Variants in EFCAB3 observed in about 807,000 individuals in gnomAD.
EFCAB3 encodes EF-hand calcium binding domain 3, also known as EF-hand calcium-binding domain-containing protein 3.
A neutral mutation model predicts 42.2 loss-of-function variants in EFCAB3; 36 were observed. The observed-to-expected ratio is 0.85, with a 90% CI of 0.65 to 1.13. The LOEUF (loss-of-function observed/expected upper bound fraction) is 1.13, where lower values mean the gene tolerates loss of function less well. Among genes scored for constraint, EFCAB3 ranks in the 50% most tolerant of loss-of-function variants. The probability of loss-of-function intolerance (pLI) is 0.00; values close to 1 mark genes in which losing one functional copy is unlikely to be tolerated. For missense variants in EFCAB3, 418 were observed against 505.1 expected (o/e 0.83, Z 1.65); for synonymous variants, 170 against 172.8 (o/e 0.98, Z 0.13).
At chr17:62,397,097 T>G (rs1401535369) in intron 6 of EFCAB3, among the ~76,000 whole-genome samples, 1 of 152,170 alleles carries the variant, frequency 6.6e-6, no homozygotes, top group Non-Finnish European at 1.5e-5. Flanking sequence ...CTCCCTATAC[T>G]GCCTCTCACA....
At chr17:62,391,318 C>T (rs935437152) in intron 3 of EFCAB3, among the ~76,000 whole-genome samples, 8 of 151,868 alleles carry the variant, frequency 5.3e-5, no homozygotes, top group Non-Finnish European at 1.2e-4. Flanking sequence ...GCTGACATTC[C>T]AGTTTCTTTG....
upstream of EFCAB3, among the ~76,000 whole-genome samples, chr17:62,378,779 TG>T (rs1366051455): frequency 1.0e-4 from 2 of 20,042 alleles, no homozygotes; most frequent in African/African-American, 1.9e-4. Context: ...GGTAGGGGGG[TG>T]GGGGGCTAGG....
rs533138476 is a variant in EFCAB3, at chr17:62,404,139, TGG to T, written c.489-2339_489-2338del. Among the ~76,000 whole-genome samples, 182 of 152,280 alleles carry T rather than the reference TGG, an allele frequency of 1.2e-3. No homozygotes were observed. The Middle Eastern group carries it at 0.017, about 14-fold the overall frequency. On this transcript the variant is annotated intron_variant, in intron 6 of 9. Coordinates refer to ENST00000305286, the MANE Select transcript of EFCAB3 (RefSeq NM_173503.4). ...GTGCAGGCCTGTAGTTACAGCTACT[TGG>T]GAGGCTGAGGCAGGAGGATCCCTTC...
At chr17:62,376,204 G>A (rs568210563), upstream of EFCAB3, among the ~76,000 whole-genome samples, 171 of 152,264 alleles carry the variant, frequency 1.1e-3, no homozygotes, top group Non-Finnish European at 2.1e-3. Flanking sequence ...TGGGCACGGT[G>A]GCTCACGCCT....
intron 2 of EFCAB3, 105 bp downstream of exon 2, chr17:62,383,158 GA>G: frequency 9.3e-7 from 1 of 1,073,626 alleles, no homozygotes. Flanking sequence ...TCTTTACTGG[GA>G]AGCCCCTAAA....
chr17:62,377,851 A>G (rs1265945823), upstream of EFCAB3: 21 of 787,242 alleles, frequency 2.7e-5, no homozygotes, highest in Non-Finnish European at 2.8e-5. Flanking sequence ...TAACCTTGAC[A>G]TTTTCTTAAT....
At chr17:62,409,004 A>G (rs966961647) in intron 8 of EFCAB3, among the ~76,000 whole-genome samples, 7 of 152,158 alleles carry the variant, frequency 4.6e-5, no homozygotes, top group African/African-American at 1.7e-4. Flanking sequence ...ATTGTACTAA[A>G]TGCCACTGAA....
chr17:62,391,775 C>T, intron 3 of EFCAB3, 47 bp from the exon 4 acceptor site: 1 of 1,592,756 alleles, frequency 6.3e-7, no homozygotes, highest in Non-Finnish European at 8.6e-7. Flanking sequence ...AGTGTATGTA[C>T]TTCTTCTTGA....
intron 6 of EFCAB3, among the ~76,000 whole-genome samples, chr17:62,402,741 C>T (rs1367397785): frequency 6.6e-6 from 1 of 152,176 alleles, no homozygotes; most frequent in Non-Finnish European, 1.5e-5. Flanking sequence ...GGATATTGGT[C>T]TAAAATTCTC....
chr17:62,374,546 T>G (rs1314271750), intron 2 of EFCAB3, among the ~76,000 whole-genome samples: 2 of 152,168 alleles, frequency 1.3e-5, no homozygotes, highest in Non-Finnish European at 2.9e-5. Flanking sequence ...CAGTACTTTT[T>G]GGTTGTAGGC....
At position 62,391,886 on chromosome 17, in the gene EFCAB3, G is replaced by T; in HGVS notation, c.216G>T (p.Leu72=). The T allele has an allele frequency of 1.2e-6, 2 of 1,613,914 alleles. No homozygotes were observed. Among genetic ancestry groups the T allele is most frequent in the Non-Finnish European group, 1.7e-6 (2 of 1,179,906 alleles). ...CTGGCTGTATTGATTTCCATGGACT[G>T]ATGTGCACTGTAGCTAAGCTGGGAA... ...DKTGCIDFHG[L]MCTVAKLGMN... is the part of the protein sequence containing the mutation. The change falls in exon 4 of 10, where the codon CTG becomes CTT. Residue 72 remains leucine, a synonymous_variant. Transcript: ENST00000305286.
chr17:62,382,028 C>A, intron 1 of EFCAB3: 1 of 227,496 alleles, frequency 4.4e-6, no homozygotes. Flanking sequence ...TCCTGCTCCC[C>A]TGCAAATAAA....
rs1173826015 is a variant in EFCAB3, at chr17:62,391,915, A to T, written c.245A>T (p.Asn82Ile). The T allele has an allele frequency of 6.2e-7, 1 of 1,613,586 alleles. No individual in the cohort carries two copies. The highest frequency in any genetic ancestry group is 8.5e-7 in the Non-Finnish European group (1 of 1,179,654). ...LMCTVAKLGM[N>I]LTKHDVYNEL... ...TGCACTGTAGCTAAGCTGGGAATGA[A>T]TCTGACCAAGCATGATGTCTATAAT... Residue 82 changes from asparagine (N) to isoleucine (I), a missense_variant, in exon 4 of 10, where the codon AAT becomes ATT. By Grantham distance (149) the Asn-to-Ile change is moderately radical. Coordinates refer to ENST00000305286, the MANE Select transcript of EFCAB3 (RefSeq NM_173503.4).
At chr17:62,408,931 C>T (rs777580342) in intron 8 of EFCAB3, among the ~76,000 whole-genome samples, 4 of 152,194 alleles carry the variant, frequency 2.6e-5, no homozygotes, top group Non-Finnish European at 5.9e-5. Flanking sequence ...TAGGTCTTGT[C>T]TCAAATGTCA....
At chr17:62,372,548 C>T (rs2070121777) in intron 1 of EFCAB3, among the ~76,000 whole-genome samples, 1 of 87,506 alleles carries the variant, frequency 1.1e-5, no homozygotes, top group African/African-American at 4.7e-5. Context: ...TCCCAAAGTG[C>T]TGGAATTACA....
chr17:62,387,581 T>C (rs536961799), intron 3 of EFCAB3, among the ~76,000 whole-genome samples, 165 bp downstream of exon 3: 1 of 152,292 alleles, frequency 6.6e-6, no homozygotes, highest in African/African-American at 2.4e-5. Context: ...GAAATTGCTT[T>C]TAAATGGACA....
chr17:62,401,949 T>C (rs1462417778), intron 6 of EFCAB3, among the ~76,000 whole-genome samples: 1 of 152,192 alleles, frequency 6.6e-6, no homozygotes, highest in Non-Finnish European at 1.5e-5. Flanking sequence ...TTTGTTTGTG[T>C]CTTCTTTTAT....
At chr17:62,396,063 ATTGT>A (rs1356097327) in intron 6 of EFCAB3, among the ~76,000 whole-genome samples, 1 of 152,210 alleles carries the variant, frequency 6.6e-6, no homozygotes, top group African/African-American at 2.4e-5. Flanking sequence ...AATTCAACAC[ATTGT>A]TTAACTTCTC....
At chr17:62,390,707 C>T (rs1305001929) in intron 3 of EFCAB3, among the ~76,000 whole-genome samples, 1 of 152,054 alleles carries the variant, frequency 6.6e-6, no homozygotes, top group Non-Finnish European at 1.5e-5. Context: ...TGGTTCCAGC[C>T]CTAGAGAAGC....
Sources: gnomAD v4.1 joint callset for allele counts (sites outside exome capture counted in the v4.1 genomes callset) on GRCh38, gnomAD v4.1.1 for gene constraint, MANE v1.5 for transcripts, NCBI Gene and HGNC (gene_info 2026-07-23, HGNC 2026-07-21) for gene names.